CRIPTO3: variants seen among roughly 807,000 people sequenced by gnomAD.
The protein encoded by CRIPTO3 is cripto, EGF-CFC family member 3, also known as protein CRIPTO3.
chrX:110,521,368 G>A, the CRIPTO3 span: 1 of 1,211,676 alleles, frequency 8.3e-7, no homozygotes, highest in Non-Finnish European at 1.1e-6. Flanking sequence ...GAGCTAAACA[G>A]AACCTGCTGC....
At chrX:110,521,316 T>C in the CRIPTO3 span, 1 of 1,208,658 alleles carries the variant, frequency 8.3e-7, no homozygotes, top group Non-Finnish European at 1.1e-6. Context: ...TCGGCCTCGG[T>C]CTTCCCAGCG....
chrX:110,521,149 T>C, the CRIPTO3 span: 553 of 1,133,238 alleles, frequency 4.9e-4, no homozygotes, highest in Non-Finnish European at 5.4e-4. Context: ...AGGAAGATGG[T>C]CCGCTTCTCT....
At chrX:110,521,168 G>T in the CRIPTO3 span, 1 of 1,119,485 alleles carries the variant, frequency 8.9e-7, no homozygotes, top group East Asian at 3.0e-5. Context: ...CTTACAGTGT[G>T]ATTTGGATCA....
chrX:110,520,903 G>A, the CRIPTO3 span: 1 of 409,172 alleles, frequency 2.4e-6, no homozygotes, highest in Non-Finnish European at 4.3e-6. Context: ...CGGAAAGGCT[G>A]AGTCTCCAGC....
the CRIPTO3 span, chrX:110,521,399 G>C: frequency 7.4e-6 from 9 of 1,210,319 alleles, no homozygotes; most frequent in Non-Finnish European, 1.0e-5. Flanking sequence ...GAACCTGCAT[G>C]CTGGAGTCCT....
chrX:110,521,449 A>G, the CRIPTO3 span: 4 of 1,211,489 alleles, frequency 3.3e-6, no homozygotes, highest in Non-Finnish European at 4.5e-6. Context: ...CGGAACTGTG[A>G]GCACGATGTG....
chrX:110,521,415 G>A, the CRIPTO3 span: 1 of 1,211,258 alleles, frequency 8.3e-7, no homozygotes, highest in Non-Finnish European at 1.1e-6. Flanking sequence ...GTCCTTTTGT[G>A]CCTGCCCTCC....
chrX:110,521,982 G>A, the CRIPTO3 span: 42 of 427,712 alleles, frequency 9.8e-5, no homozygotes, highest in African/African-American at 1.0e-3. Flanking sequence ...TTGAGACGGA[G>A]TCTCACTCTG....
At chrX:110,521,904 A>G in the CRIPTO3 span, 1 of 444,263 alleles carries the variant, frequency 2.3e-6, no homozygotes, top group South Asian at 3.4e-5. Context: ...CCAAAAAACT[A>G]CTTCTTTTTT....
the CRIPTO3 span, chrX:110,522,056 A>G: frequency 2.9e-5 from 11 of 375,519 alleles, no homozygotes; most frequent in East Asian, 4.2e-4. Context: ...CCGGGGTTCA[A>G]GCCATTCTCC....
the CRIPTO3 span, chrX:110,521,413 G>GTGCC: frequency 1.7e-6 from 2 of 1,211,278 alleles, no homozygotes; most frequent in Non-Finnish European, 2.2e-6. Flanking sequence ...GAGTCCTTTT[G>GTGCC]TGCCTGCCCT....
the CRIPTO3 span, chrX:110,521,988 C>T: frequency 0.36 from 155,250 of 427,820 alleles, 21,588 homozygotes; most frequent in African/African-American, 0.51. Context: ...CGGAGTCTCA[C>T]TCTGTCACCC....
chrX:110,521,307 C>A, the CRIPTO3 span: 5 of 1,203,737 alleles, frequency 4.2e-6, no homozygotes, highest in Non-Finnish European at 5.6e-6. Context: ...GCCTGCAATT[C>A]GGCCTCGGTC....
chrX:110,520,899 G>A, the CRIPTO3 span: 1 of 400,744 alleles, frequency 2.5e-6, no homozygotes, highest in Non-Finnish European at 4.4e-6. Context: ...TCCCCGGAAA[G>A]GCTGAGTCTC....
the CRIPTO3 span, chrX:110,521,354 T>C: frequency 8.3e-7 from 1 of 1,211,176 alleles, no homozygotes; most frequent in South Asian, 1.8e-5. Context: ...TACAGCACAG[T>C]AAGGAGCTAA....
the CRIPTO3 span, chrX:110,521,351 C>G: frequency 1.7e-6 from 2 of 1,210,968 alleles, no homozygotes; most frequent in Non-Finnish European, 1.1e-6. Flanking sequence ...GAATACAGCA[C>G]AGTAAGGAGC....
chrX:110,521,022 AATTGCCATTT>A, the CRIPTO3 span: 1 of 721,768 alleles, frequency 1.4e-6, no homozygotes, highest in East Asian at 3.2e-5. Context: ...TTTCTTCTTA[AATTGCCATTT>A]TCGCTTTAGG....
chrX:110,521,484 C>G, the CRIPTO3 span: 1 of 1,209,437 alleles, frequency 8.3e-7, no homozygotes, highest in Non-Finnish European at 1.1e-6. Context: ...TGGGTCTGTG[C>G]CCCATGACAC....
the CRIPTO3 span, chrX:110,521,446 G>A: frequency 1.6e-5 from 19 of 1,211,673 alleles, no homozygotes; most frequent in South Asian, 3.0e-4. Context: ...GGACGGAACT[G>A]TGAGCACGAT....
Sources: gnomAD v4.1 joint callset for allele counts on GRCh38, gnomAD v4.1.1 for gene constraint, MANE v1.5 for transcripts, NCBI Gene and HGNC (gene_info 2026-07-23, HGNC 2026-07-21) for gene names.